Variants in SCFD1 observed in about 807,000 individuals in gnomAD.
SCFD1 encodes sec1 family domain containing 1.
A neutral mutation model predicts 103.2 loss-of-function variants in SCFD1; 37 were observed. The observed-to-expected ratio is 0.36, with a 90% CI of 0.28 to 0.47. The LOEUF is 0.47. SCFD1 is among the 20% of genes least tolerant of loss of function. SCFD1 has a pLI of 1.00. For synonymous variants in SCFD1, 264 were observed against 245.0 expected (o/e 1.08, Z -0.73); for missense variants, 639 against 761.2 (o/e 0.84, Z 1.89).
At chr14:30,681,627 C>G (rs1889491802) in intron 14 of SCFD1, among the ~76,000 whole-genome samples, 1 of 131,998 alleles carries the variant, frequency 7.6e-6, no homozygotes, top group South Asian at 2.7e-4. Context: ...TGTTAATTCT[C>G]AAATTTGGCT....
chr14:30,624,090 GCCTGAAAAATCTTTATTGGTCT>G lies in SCFD1; in HGVS notation c.61+1710_61+1731del, dbSNP rs1338902049. 3.9e-5 allele frequency among the ~76,000 whole-genome samples: 6 copies of G among 152,268 alleles called. No homozygotes were observed. The South Asian group carries it at 6.2e-4, about 16-fold the overall frequency. On this transcript the variant is annotated intron_variant, in intron 1 of 24. Coordinates refer to ENST00000458591, the MANE Select transcript of SCFD1 (RefSeq NM_016106.4). ...AACGTGCCTGTTTCTTGCTTTGCCT[GCCTGAAAAATCTTTATTGGTCT>G]CCTGAAAAATCTTTATTGATCTTTT...
At chr14:30,692,650 T>C (rs1890397084) in intron 14 of SCFD1, among the ~76,000 whole-genome samples, 1 of 152,208 alleles carries the variant, frequency 6.6e-6, no homozygotes, top group Non-Finnish European at 1.5e-5. Context: ...GAAATAACTA[T>C]TTGATGTGAC....
At chr14:30,668,614 C>T (rs1272645404) in intron 10 of SCFD1, among the ~76,000 whole-genome samples, 2 of 152,064 alleles carry the variant, frequency 1.3e-5, no homozygotes, top group African/African-American at 2.4e-5. Context: ...GAACAGGCGG[C>T]CTACAGAATG....
chr14:30,678,905 G>A (rs1889250948), intron 14 of SCFD1, among the ~76,000 whole-genome samples: 1 of 152,158 alleles, frequency 6.6e-6, no homozygotes, highest in South Asian at 2.1e-4. Flanking sequence ...GACTGAATTA[G>A]ATCTAAAGAC....
intron 2 of SCFD1, 30 bp from the exon 3 acceptor site, chr14:30,630,447 A>G: frequency 7.8e-7 from 1 of 1,278,754 alleles, no homozygotes; most frequent in South Asian, 1.2e-5. Flanking sequence ...TTGTTCACTG[A>G]TAATGATGAC....
intron 10 of SCFD1, among the ~76,000 whole-genome samples, chr14:30,667,553 CA>C (rs1594652800): frequency 6.6e-6 from 1 of 152,084 alleles, no homozygotes; most frequent in African/African-American, 2.4e-5. Context: ...AAGTTCTGGC[CA>C]GGGCAGTCAG....
At chr14:30,645,561 C>T (rs1350811891) in intron 7 of SCFD1, among the ~76,000 whole-genome samples, 1 of 152,088 alleles carries the variant, frequency 6.6e-6, no homozygotes, top group Non-Finnish European at 1.5e-5. Flanking sequence ...TAGCTGTATT[C>T]CTAGGTATTT....
At chr14:30,632,046 G>GAAAAAAA (rs61645782) in intron 3 of SCFD1, among the ~76,000 whole-genome samples, 1 of 70,266 alleles carries the variant, frequency 1.4e-5, no homozygotes, top group Non-Finnish European at 2.6e-5. Flanking sequence ...AGATTCTGTT[G>GAAAAAAA]AAAAAAAAAA....
At chr14:30,677,155 T>G (rs1889095924) in intron 14 of SCFD1, among the ~76,000 whole-genome samples, 1 of 152,088 alleles carries the variant, frequency 6.6e-6, no homozygotes, top group Non-Finnish European at 1.5e-5. Flanking sequence ...AAAGATAGAT[T>G]TTATTTATTC....
chr14:30,735,185 A>AT (rs909984397), intron 24 of SCFD1: 13 of 290,912 alleles, frequency 4.5e-5, no homozygotes, highest in Admixed American at 1.9e-4. Context: ...GTTAGCACTA[A>AT]TTTTTTTAAT....
intron 2 of SCFD1, among the ~76,000 whole-genome samples, chr14:30,629,949 C>T (rs1002575528): frequency 6.6e-6 from 1 of 151,534 alleles, no homozygotes; most frequent in Non-Finnish European, 1.5e-5. Context: ...TTATTGTGGT[C>T]CTGGAACTTG....
chr14:30,653,246 A>G (rs1280631348), intron 9 of SCFD1, among the ~76,000 whole-genome samples: 1 of 152,146 alleles, frequency 6.6e-6, no homozygotes, highest in Non-Finnish European at 1.5e-5. Context: ...GGCTGCAGTT[A>G]GCTATGATCG....
chr14:30,692,686 G>C (rs1566635785), intron 14 of SCFD1, among the ~76,000 whole-genome samples: 1 of 152,190 alleles, frequency 6.6e-6, no homozygotes, highest in Non-Finnish European at 1.5e-5. Context: ...TTAGTGAATA[G>C]TGATAAAACA....
chr14:30,720,084 A>C (rs540274622), intron 21 of SCFD1, among the ~76,000 whole-genome samples: 1 of 152,102 alleles, frequency 6.6e-6, no homozygotes, highest in African/African-American at 2.4e-5. Flanking sequence ...AGAACTTTAC[A>C]TTTGCTGTAT....
intron 3 of SCFD1, 112 bp from the exon 4 acceptor site, chr14:30,633,833 CAA>C (rs953418194): frequency 9.7e-6 from 5 of 515,500 alleles, no homozygotes; most frequent in African/African-American, 4.0e-5. Context: ...TTAATTGCAA[CAA>C]GAGCTTTTAG....
At chr14:30,660,538 CTTTAT>C (rs1887348539) in intron 10 of SCFD1, among the ~76,000 whole-genome samples, 1 of 152,068 alleles carries the variant, frequency 6.6e-6, no homozygotes, top group Non-Finnish European at 1.5e-5. Flanking sequence ...ATTATTGCCT[CTTTAT>C]TTTAATTACT....
intron 14 of SCFD1, among the ~76,000 whole-genome samples, chr14:30,677,166 A>G (rs562727470): frequency 6.6e-6 from 1 of 152,136 alleles, no homozygotes; most frequent in Admixed American, 6.5e-5. Context: ...TTATTTATTC[A>G]CTTATTTATT....
intron 7 of SCFD1, among the ~76,000 whole-genome samples, chr14:30,649,278 G>T (rs943877413): frequency 3.9e-5 from 6 of 152,046 alleles, no homozygotes; most frequent in Non-Finnish European, 8.8e-5. Flanking sequence ...TTCGGGTGAT[G>T]GGTGCACTAA....
chr14:30,639,356 A>G (rs1459840203), intron 5 of SCFD1, among the ~76,000 whole-genome samples: 4 of 152,200 alleles, frequency 2.6e-5, no homozygotes, highest in Non-Finnish European at 5.9e-5. Context: ...CTGCACTTCC[A>G]AAGAACTGGC....
Sources: allele counts gnomAD v4.1 joint callset (sites outside exome capture counted in the v4.1 genomes callset), GRCh38; gene constraint gnomAD v4.1.1; transcripts MANE v1.5; gene names NCBI Gene and HGNC (gene_info 2026-07-23, HGNC 2026-07-21).